KSR1: variants seen among roughly 807,000 people sequenced by gnomAD.
KSR1 encodes the protein kinase suppressor of ras.
KSR1 carries 35 observed loss-of-function variants against 92.9 expected under a neutral mutation model. That is an observed-to-expected ratio of 0.38 (90% CI 0.29 to 0.50). KSR1 has a LOEUF of 0.50. Ranked by LOEUF, KSR1 falls within the 20% of genes least tolerant of loss-of-function variation. The pLI, the probability that KSR1 is intolerant of heterozygous loss-of-function variation, is 0.94. For missense variants in KSR1, 972 were observed against 1,158.5 expected (o/e 0.84, Z 2.34); for synonymous variants, 467 against 472.6 (o/e 0.99, Z 0.15).
chr17:27,567,260 C>T (rs1359706666), intron 2 of KSR1, among the ~76,000 whole-genome samples: 2 of 152,098 alleles, frequency 1.3e-5, no homozygotes, highest in South Asian at 2.1e-4. Context: ...TCGCTGGTGA[C>T]GTGGGATCTG....
chr17:27,523,422 G>A (rs2070124063), intron 1 of KSR1, among the ~76,000 whole-genome samples: 1 of 151,508 alleles, frequency 6.6e-6, no homozygotes, highest in Admixed American at 6.6e-5. Context: ...ATTTTTGTGT[G>A]TTTGAATTAT....
intron 1 of KSR1, among the ~76,000 whole-genome samples, chr17:27,526,055 TCTCTCTC>T (rs1567792646): frequency 5.6e-4 from 74 of 133,092 alleles, no homozygotes; most frequent in Middle Eastern, 3.6e-3. Context: ...TCTCTCTCTC[TCTCTCTC>T]TTTCTTTCTC....
intron 3 of KSR1, chr17:27,579,051 G>C (rs1290111302): frequency 2.6e-5 from 4 of 152,324 alleles, no homozygotes; most frequent in African/African-American, 9.6e-5. Flanking sequence ...TGAAGAAGAA[G>C]CATTTTCTGG....
rs973580105 is a variant in KSR1, at chr17:27,550,620, C to A, written c.284C>A (p.Ala95Asp). The change falls in exon 2 of 21, where the codon GCT (alanine) becomes GAT (aspartate). Residue 95 changes from alanine to aspartate, a missense_variant. By Grantham distance (126) the Ala-to-Asp change is moderately radical. Coordinates refer to ENST00000644974, the MANE Select transcript of KSR1 (RefSeq NM_001394583.1). Reference protein sequence around the residue: ...CKQRQCKLSVAPGERTPELNS... With the variant: ...CKQRQCKLSVDPGERTPELNS... The stretch of plus-strand genomic sequence containing the variant: ...CAGAGGCAGTGCAAGCTGAGCGTGG[C>A]TCCCGGTGAGAGGACCCCAGAGCTC... 7 of 764,680 alleles carry A rather than the reference C, an allele frequency of 9.2e-6. No individual in the cohort carries two copies. The African/African-American group carries it at 1.0e-4, about 11-fold the overall frequency. The allele number at this position is 764,680 out of a possible 1,614,324, so 47.4% of individuals were successfully genotyped here. A position where few individuals can be genotyped will look rare whatever the true frequency, so the allele number is the denominator to read the frequency against.
intron 2 of KSR1, among the ~76,000 whole-genome samples, chr17:27,572,172 C>T (rs2072335498): frequency 6.6e-6 from 1 of 152,232 alleles, no homozygotes; most frequent in African/African-American, 2.4e-5. Flanking sequence ...CAATTATTAT[C>T]AGAAAGAATA....
Position 27,597,986 on chromosome 17 carries a change from A to G in KSR1, c.1468+550A>G, listed in dbSNP as rs114437557. ...TGTGGATGAAGACACTGAGTCCCAC[A>G]GGAGTTTAAAGCAGAGTAGACCTGA... On this transcript the variant is annotated intron_variant, in intron 10 of 20. Transcript: ENST00000644974. 3.8e-3 allele frequency among the ~76,000 whole-genome samples: 574 copies of G among 152,346 alleles called. 2 individuals are homozygous for G. Among genetic ancestry groups the G allele is most frequent in the African/African-American group, 0.013 (522 of 41,580 alleles).
At chr17:27,499,219 T>C (rs554617822) in intron 1 of KSR1, among the ~76,000 whole-genome samples, 21 of 152,230 alleles carry the variant, frequency 1.4e-4, no homozygotes, top group African/African-American at 3.6e-4. Flanking sequence ...CTGTTTTCTG[T>C]TGGGCCCCTG....
At position 27,604,646 on chromosome 17, in the gene KSR1, C is replaced by G. The variant is rs1372501425; in HGVS notation, c.1566-34C>G. 4.3e-6 allele frequency: 7 copies of G among 1,609,546 alleles called. No homozygotes were observed. In the East Asian group the frequency reaches 1.6e-4, roughly 36 times the overall value. On this transcript the variant is annotated intron_variant, in intron 12 of 20. Transcript: ENST00000644974. ...TAGCTGAGAGCAGAGCGGTGTTCCT[C>G]AAGGTCTCCTTGACAAACCTTGTTT... is the stretch of plus-strand genomic sequence containing the variant.
intron 1 of KSR1, among the ~76,000 whole-genome samples, chr17:27,517,780 A>C (rs1345268021): frequency 1.3e-5 from 2 of 152,090 alleles, no homozygotes; most frequent in African/African-American, 4.8e-5. Context: ...GTATTGTAAG[A>C]CTTGCTTTTT....
chr17:27,537,748 G>A lies in KSR1; in HGVS notation c.232-12820G>A, dbSNP rs140924400. On this transcript the variant is annotated intron_variant, in intron 1 of 20. Coordinates refer to ENST00000644974, the MANE Select transcript of KSR1 (RefSeq NM_001394583.1). ...CTATCGGGATTCATGTAGGTATTAG[G>A]TGAGATAATATAGAATGTATAGCAT... is the stretch of plus-strand genomic sequence containing the variant. 6.1e-3 allele frequency among the ~76,000 whole-genome samples: 930 copies of A among 152,298 alleles called. 6 individuals are homozygous for A. Among genetic ancestry groups the A allele is most frequent in the African/African-American group, 0.021 (882 of 41,560 alleles).
intron 18 of KSR1, among the ~76,000 whole-genome samples, chr17:27,613,876 T>C (rs2073987589): frequency 6.6e-6 from 1 of 152,248 alleles, no homozygotes; most frequent in South Asian, 2.1e-4. Context: ...CGATCTTGGC[T>C]CACTGCAACC....
At chr17:27,592,973 C>T (rs576662098) in intron 9 of KSR1, among the ~76,000 whole-genome samples, 2 of 152,206 alleles carry the variant, frequency 1.3e-5, no homozygotes, top group African/African-American at 4.8e-5. Context: ...CACAGCATCC[C>T]GAGAGCAAGA....
At chr17:27,582,532 C>T (rs888842558) in intron 3 of KSR1, 114 bp from the exon 4 acceptor site, 11 of 954,644 alleles carry the variant, frequency 1.2e-5, no homozygotes, top group Non-Finnish European at 1.7e-5. Context: ...GAAGCCTTCC[C>T]TTAAGAAACA....
At chr17:27,610,271 G>A (rs1186223460) in intron 17 of KSR1, 73 bp downstream of exon 17, 1 of 1,598,540 alleles carries the variant, frequency 6.3e-7, no homozygotes. Flanking sequence ...TGGGGGCAGA[G>A]GGAGGCATGC....
intron 2 of KSR1, among the ~76,000 whole-genome samples, chr17:27,556,325 C>G (rs2071594073): frequency 6.6e-6 from 1 of 152,176 alleles, no homozygotes; most frequent in African/African-American, 2.4e-5. Context: ...AGCGATCCTC[C>G]CGCCTCACTT....
Position 27,608,400 on chromosome 17 carries a change from C to T in KSR1, c.2091+390C>T, listed in dbSNP as rs536846936. 9.8e-4 allele frequency among the ~76,000 whole-genome samples: 149 copies of T among 152,254 alleles called. 1 individual carries two copies. Among genetic ancestry groups the T allele is most frequent in the African/African-American group, 3.2e-3 (134 of 41,548 alleles). The stretch of plus-strand genomic sequence containing the variant: ...CTCTGGATTGGTGTGAGGTTAAAAA[C>T]GCGATAATCCATGCTGTGGGGTACA... On this transcript the variant is annotated intron_variant, in intron 15 of 20. Coordinates refer to ENST00000644974, the MANE Select transcript of KSR1 (RefSeq NM_001394583.1).
chr17:27,514,063 G>T (rs546185751), intron 1 of KSR1, among the ~76,000 whole-genome samples: 4 of 152,252 alleles, frequency 2.6e-5, no homozygotes, highest in Non-Finnish European at 4.4e-5. Context: ...CCATTGTGGC[G>T]CTAACGCCTT....
At chr17:27,510,398 T>C (rs1389630312) in intron 1 of KSR1, among the ~76,000 whole-genome samples, 1 of 152,142 alleles carries the variant, frequency 6.6e-6, no homozygotes, top group African/African-American at 2.4e-5. Context: ...TGAAGAGTTA[T>C]AAGGACCGAG....
intron 4 of KSR1, among the ~76,000 whole-genome samples, chr17:27,585,220 G>A (rs1163971676): frequency 6.6e-6 from 1 of 152,166 alleles, no homozygotes; most frequent in Non-Finnish European, 1.5e-5. Context: ...ACAGGCATGA[G>A]CCACCAGGCC....
Sources: gnomAD v4.1 joint callset for allele counts (sites outside exome capture counted in the v4.1 genomes callset) on GRCh38, gnomAD v4.1.1 for gene constraint, MANE v1.5 for transcripts, NCBI Gene and HGNC (gene_info 2026-07-23, HGNC 2026-07-21) for gene names.